Variants in DENND11 observed in about 807,000 individuals in gnomAD.
DENND11 encodes DENN domain-containing protein 11.
A neutral mutation model predicts 49.2 loss-of-function variants in DENND11; 34 were observed. The ratio of observed to expected loss-of-function variants is 0.69; its 90% CI spans 0.53 to 0.92. The LOEUF (loss-of-function observed/expected upper bound fraction) is 0.92, where lower values mean the gene tolerates loss of function less well. Ranked by LOEUF, DENND11 falls within the 40% of genes least tolerant of loss-of-function variation. The pLI is 0.00. For missense variants in DENND11, 475 were observed against 581.6 expected, an observed-to-expected ratio of 0.82 and a Z score of 1.88; for synonymous variants, 238 against 230.3, an observed-to-expected ratio of 1.03 and a Z score of -0.30.
At position 141,683,985 on chromosome 7, in the gene DENND11, T is replaced by C. The variant is rs186216234; in HGVS notation, c.527+1493A>G. ...CTCTATCACTCAGGCTGGTGTGCAG[T>C]GGTGCAATCATAGCTCACTGCAGCA... is the stretch of plus-strand genomic sequence containing the variant. On this transcript the variant is annotated intron_variant, in intron 3 of 8. Coordinates refer to ENST00000536163, the MANE Select transcript of DENND11 (RefSeq NM_001080392.2). Among the ~76,000 whole-genome samples the C allele has an allele frequency of 9.5e-4, 145 of 152,358 alleles. 2 individuals are homozygous for C. The highest frequency in any genetic ancestry group is 3.4e-3 in the Middle Eastern group (1 of 294).
At chr7:141,677,908 G>A (rs1354068672) in intron 3 of DENND11, among the ~76,000 whole-genome samples, 1 of 151,936 alleles carries the variant, frequency 6.6e-6, no homozygotes, top group Non-Finnish European at 1.5e-5. Context: ...TGATACACCG[G>A]AAAGGTTAAT....
chr7:141,698,944 C>T (rs544314687), intron 1 of DENND11, among the ~76,000 whole-genome samples: 96 of 92,498 alleles, frequency 1.0e-3, no homozygotes, highest in African/African-American at 3.7e-3. Flanking sequence ...ATGGGGGTGG[C>T]GGAGGGTTGA....
intron 1 of DENND11, among the ~76,000 whole-genome samples, chr7:141,698,788 A>T (rs10261374): frequency 0.64 from 97,692 of 152,004 alleles, 32,547 homozygotes; most frequent in African/African-American, 0.84. Flanking sequence ...TTACTCTACT[A>T]CCTAATGAAT....
chr7:141,657,706 T>C lies in DENND11; in HGVS notation c.*4950A>G, dbSNP rs962205688. On this transcript the variant is annotated 3_prime_UTR_variant, in exon 9 of 9. Transcript: ENST00000536163. ...CATATTAGCTCTAAAAGCCCCACAG[T>C]ATGCTAAAAATCGAAAATAAATTCT... is the stretch of plus-strand genomic sequence containing the variant. The C allele has an allele frequency of 6.6e-6, 1 of 152,460 alleles. No homozygotes were observed. Among genetic ancestry groups the C allele is most frequent in the Non-Finnish European group, 1.5e-5 (1 of 68,042 alleles). The allele number at this position is 152,460 out of a possible 1,614,324, so 9.4% of individuals were successfully genotyped here.
At chr7:141,700,788 T>C (rs988457061) in intron 1 of DENND11, among the ~76,000 whole-genome samples, 3 of 152,058 alleles carry the variant, frequency 2.0e-5, no homozygotes, top group Non-Finnish European at 1.5e-5. Flanking sequence ...ATTACCGGCC[T>C]GGAACCCATC....
At chr7:141,666,214 C>T in intron 5 of DENND11, 73 bp downstream of exon 5, 1 of 1,472,780 alleles carries the variant, frequency 6.8e-7, no homozygotes, top group Non-Finnish European at 9.1e-7. Flanking sequence ...CAAACTTGGT[C>T]AGTGACAGAA....
chr7:141,692,000 T>C (rs933879761), intron 1 of DENND11, among the ~76,000 whole-genome samples: 5 of 152,228 alleles, frequency 3.3e-5, no homozygotes, highest in African/African-American at 1.2e-4. Context: ...AATATTGTAG[T>C]TACATAGGAA....
Position 141,660,304 on chromosome 7 carries a change from C to T in DENND11, c.*2352G>A, listed in dbSNP as rs1209455557. 2 of 152,112 alleles carry T rather than the reference C, an allele frequency of 1.3e-5. No individual in the cohort carries two copies. The highest frequency in any genetic ancestry group is 4.8e-5 in the African/African-American group (2 of 41,416). 9.4% of individuals were successfully genotyped at this position (152,112 alleles called of 1,614,324 possible). On this transcript the variant is annotated 3_prime_UTR_variant, in exon 9 of 9. Coordinates refer to ENST00000536163, the MANE Select transcript of DENND11 (RefSeq NM_001080392.2). ...CATTGGGGTCAGCTGAGCCCAAGGC[C>T]CCTATGACCTGAAACATGGCACTGC...
intron 1 of DENND11, among the ~76,000 whole-genome samples, chr7:141,693,390 G>A (rs1798356108): frequency 6.6e-6 from 1 of 152,206 alleles, no homozygotes; most frequent in Non-Finnish European, 1.5e-5. Flanking sequence ...ATTCATTGCT[G>A]GTGGGAATAT....
At chr7:141,695,905 C>A (rs1346482863) in intron 1 of DENND11, among the ~76,000 whole-genome samples, 1 of 152,208 alleles carries the variant, frequency 6.6e-6, no homozygotes, top group African/African-American at 2.4e-5. Flanking sequence ...ACGGGAGGCA[C>A]AAATGTGGCA....
At chr7:141,691,386 G>A (rs1798325340) in intron 1 of DENND11, among the ~76,000 whole-genome samples, 1 of 152,162 alleles carries the variant, frequency 6.6e-6, no homozygotes, top group African/African-American at 2.4e-5. Context: ...CTCCTATCTT[G>A]ATTATGCCAC....
intron 1 of DENND11, among the ~76,000 whole-genome samples, chr7:141,688,598 A>G (rs1798280072): frequency 6.6e-6 from 1 of 152,238 alleles, no homozygotes; most frequent in South Asian, 2.1e-4. Context: ...GCACTCAGAA[A>G]GAAAGAGGGG....
intron 1 of DENND11, 151 bp downstream of exon 1, chr7:141,701,735 C>A (rs1248552290): frequency 1.1e-5 from 7 of 612,050 alleles, no homozygotes; most frequent in Non-Finnish European, 1.5e-5. Context: ...GACCCCCGCC[C>A]TTCCCCAAGC....
intron 1 of DENND11, among the ~76,000 whole-genome samples, chr7:141,692,474 C>T (rs1798341870): frequency 1.3e-5 from 2 of 152,116 alleles, no homozygotes; most frequent in African/African-American, 4.8e-5. Context: ...AACAGACCCA[C>T]ACAAATCAAT....
Position 141,662,699 on chromosome 7 carries a change from C to A in DENND11, c.1325G>T (p.Gly442Val). 6.2e-7 allele frequency: 1 copy of A among 1,608,298 alleles called. No individual in the cohort carries two copies. The highest frequency in any genetic ancestry group is 8.5e-7 in the Non-Finnish European group (1 of 1,177,644). The change falls in exon 9 of 9, where the codon GGC (glycine) becomes GTC (valine). Residue 442 changes from glycine (G) to valine (V), a missense_variant. Physicochemically the swap from Gly to Val is moderately radical, Grantham distance 109. Coordinates refer to ENST00000536163, the MANE Select transcript of DENND11 (RefSeq NM_001080392.2). ...SFLLDLLEAYGIDVMLVIDNP... is the reference protein window; with the variant it reads ...SFLLDLLEAYVIDVMLVIDNP... ...GTCGATAACCAGCATGACATCAATG[C>A]CATAGGCCTCCAGCAGGTCCAGGAG...
chr7:141,684,770 T>C (rs569248705), intron 3 of DENND11, among the ~76,000 whole-genome samples: 1 of 152,122 alleles, frequency 6.6e-6, no homozygotes, highest in South Asian at 2.1e-4. Context: ...ATTTTGTCAG[T>C]GCTTCAGGGA....
chr7:141,692,274 C>G (rs577119199), intron 1 of DENND11, among the ~76,000 whole-genome samples: 1 of 152,098 alleles, frequency 6.6e-6, no homozygotes, highest in Non-Finnish European at 1.5e-5. Flanking sequence ...TTGCGGATAT[C>G]GACAAGTTAA....
intron 3 of DENND11, among the ~76,000 whole-genome samples, chr7:141,675,187 C>T (rs1027980187): frequency 1.3e-5 from 2 of 152,216 alleles, no homozygotes; most frequent in Admixed American, 6.5e-5. Context: ...AGCAGGTGAA[C>T]GTGACGACAG....
chr7:141,700,636 G>A (rs937462233), intron 1 of DENND11, among the ~76,000 whole-genome samples: 1 of 152,034 alleles, frequency 6.6e-6, no homozygotes. Flanking sequence ...TCAGTCAAAA[G>A]AGTTTGAAAG....
Sources: gnomAD v4.1 joint callset for allele counts (sites outside exome capture counted in the v4.1 genomes callset) on GRCh38, gnomAD v4.1.1 for gene constraint, MANE v1.5 for transcripts, NCBI Gene and HGNC (gene_info 2026-07-23, HGNC 2026-07-21) for gene names.